Variants in STAT1 observed in about 807,000 individuals in gnomAD.
STAT1 encodes the protein signal transducer and activator of transcription 1-alpha/beta.
Under a neutral mutation model 111.7 loss-of-function variants are expected in STAT1, and 24 were observed. That is an observed-to-expected ratio of 0.21 (90% CI 0.16 to 0.30). The LOEUF is 0.30. STAT1 is among the 10% of genes least tolerant of loss of function. STAT1 has a pLI of 1.00. For missense variants in STAT1, 351 were observed against 911.9 expected, an observed-to-expected ratio of 0.38 and a Z score of 7.92; for synonymous variants, 332 against 326.5, an observed-to-expected ratio of 1.02 and a Z score of -0.18.
At position 190,973,117 on chromosome 2, in the gene STAT1, C is replaced by G. The variant is rs960644455; in HGVS notation, c.2238+1713G>C. Reference sequence around the variant, plus strand: ...CTGATTGCCAAATCCCAAACACATACGGGCCTCTCACCCAAAGGCCATGAT... The same window carrying G: ...CTGATTGCCAAATCCCAAACACATAGGGGCCTCTCACCCAAAGGCCATGAT... On this transcript the variant is annotated intron_variant, in intron 24 of 24. Transcript: ENST00000361099. The surrounding 1 kb of genome is among the most constrained non-coding windows in gnomAD (Gnocchi z 4.4). 6.6e-6 allele frequency among the ~76,000 whole-genome samples: 1 copy of G among 152,184 alleles called. No homozygotes were observed. Among genetic ancestry groups the G allele is most frequent in the East Asian group, 1.9e-4 (1 of 5,184 alleles).
rs762754243 is a variant in STAT1 at position 190,978,974 on chromosome 2, C to T, written c.1755G>A (p.Glu585=). ...GGTCCTTCAACAGGGCACGCTCTCG[C>T]TCCTTGCTGATGAAGCCCATGATGC... ...DGCIMGFISK[E]RERALLKDQQ... is the part of the protein sequence containing the mutation. The change falls in exon 21 of 25, where the codon GAG becomes GAA. Residue 585 remains glutamate (E), a synonymous_variant. Transcript: ENST00000361099. The surrounding 1 kb of genome is among the most constrained non-coding windows in gnomAD (Gnocchi z 6.1). 6 of 1,614,092 alleles carry T rather than the reference C, an allele frequency of 3.7e-6. No homozygotes were observed. The highest frequency in any genetic ancestry group is 1.7e-6 in the Non-Finnish European group (2 of 1,180,044).
rs1692661939 is a variant in STAT1 at position 190,984,757 on chromosome 2, G to A, written c.1264-364C>T. Among the ~76,000 whole-genome samples, 6 of 152,222 alleles carry A rather than the reference G, an allele frequency of 3.9e-5. No individual in the cohort carries two copies. Among genetic ancestry groups the A allele is most frequent in the Admixed American group, 3.9e-4 (6 of 15,286 alleles). On this transcript the variant is annotated intron_variant, in intron 15 of 24. Transcript: ENST00000361099. The surrounding 1 kb of genome is among the most constrained non-coding windows in gnomAD (Gnocchi z 5.2). ...GAGAAGGTGAGAGGACTGGGAGTAAGTGCATACTTGTGATTGTCTACTGCC... is the reference window on the plus strand; with the variant it reads ...GAGAAGGTGAGAGGACTGGGAGTAAATGCATACTTGTGATTGTCTACTGCC...
In STAT1 at chr2:190,982,912, G is replaced by A. The variant is rs147488705; in HGVS notation, c.1447-394C>T. On this transcript the variant is annotated intron_variant, in intron 17 of 24. Coordinates refer to ENST00000361099, the MANE Select transcript of STAT1 (RefSeq NM_007315.4). The surrounding 1 kb of genome is among the most constrained non-coding windows in gnomAD (Gnocchi z 7.3). The stretch of plus-strand genomic sequence containing the variant: ...GTGTCCTTTTTGAAGCCTATTTAGC[G>A]CCATGTTTTTTGCATTTTGTGACTG... 2.0e-5 allele frequency among the ~76,000 whole-genome samples: 3 copies of A among 152,182 alleles called. No individual in the cohort carries two copies. The highest frequency in any genetic ancestry group is 4.8e-5 in the African/African-American group (2 of 41,522).
chr2:191,011,604 G>C (rs776445381), intron 2 of STAT1, among the ~76,000 whole-genome samples: 2 of 152,100 alleles, frequency 1.3e-5, no homozygotes, highest in African/African-American at 4.8e-5. Context: ...ATCTTACCTC[G>C]AATTGTAATA....
intron 5 of STAT1, among the ~76,000 whole-genome samples, chr2:191,005,386 G>A (rs556466680): frequency 1.8e-4 from 27 of 152,342 alleles, no homozygotes; most frequent in Admixed American, 1.4e-3. Context: ...GATGGACCGC[G>A]TATATGACAG....
chr2:191,010,342 G>C, intron 2 of STAT1: 1 of 474,340 alleles, frequency 2.1e-6, no homozygotes, highest in South Asian at 1.5e-5. Flanking sequence ...TTTCTTCATA[G>C]TACTTACACC....
In STAT1 at chr2:191,011,621, C is replaced by T. The variant is rs1360636956; in HGVS notation, c.-1-1617G>A. On this transcript the variant is annotated intron_variant, in intron 2 of 24. Transcript: ENST00000361099. ...CTTACCTCGAATTGTAATATAATTCCCATGTGTTAAGGGCGGGACCAGTGG... is the reference window on the plus strand; with the variant it reads ...CTTACCTCGAATTGTAATATAATTCTCATGTGTTAAGGGCGGGACCAGTGG... Among the ~76,000 whole-genome samples, 4 of 152,006 alleles carry T rather than the reference C, an allele frequency of 2.6e-5. No homozygotes were observed. In the South Asian group the frequency reaches 8.3e-4, roughly 32 times the overall value.
Position 190,978,905 on chromosome 2 carries a change from C to T in STAT1, c.1824G>A (p.Arg608=). Residue 608 remains arginine, a synonymous_variant, in exon 21 of 25, where the codon CGG becomes CGA. Coordinates refer to ENST00000361099, the MANE Select transcript of STAT1 (RefSeq NM_007315.4). This position sits in a 1 kb window ranked among gnomAD's most constrained non-coding sequence, Gnocchi z 6.1. ...TFLLRFSESS[R]EGAITFTWVE... is the part of the protein sequence containing the mutation. ...CCCATGTGAATGTGATGGCCCCTTC[C>T]CGGGAGCTCTCACTGAACCGCAGCA... 6.2e-7 allele frequency: 1 copy of T among 1,614,132 alleles called. No homozygotes were observed. Among genetic ancestry groups the T allele is most frequent in the Non-Finnish European group, 8.5e-7 (1 of 1,180,010 alleles).
rs924390395 is a variant in STAT1 at position 190,989,796 on chromosome 2, C to T, written c.1038-122G>A. Reference sequence around the variant, plus strand: ...CCCTCCAGTTTTAGGGTATTACCAACAAAAAAACTGACAGTTTTGTAGATC... The same window carrying T: ...CCCTCCAGTTTTAGGGTATTACCAATAAAAAAACTGACAGTTTTGTAGATC... On this transcript the variant is annotated intron_variant, in intron 11 of 24. Coordinates refer to ENST00000361099, the MANE Select transcript of STAT1 (RefSeq NM_007315.4). This position sits in a 1 kb window ranked among gnomAD's most constrained non-coding sequence, Gnocchi z 5.0. The T allele has an allele frequency of 1.0e-5, 7 of 674,606 alleles. No homozygotes were observed. Among genetic ancestry groups the T allele is most frequent in the Non-Finnish European group, 1.8e-5 (7 of 389,424 alleles). The allele number at this position is 674,606 out of a possible 1,614,324, so 41.8% of individuals were successfully genotyped here.
At position 190,973,773 on chromosome 2, in the gene STAT1, A is replaced by G. The variant is rs532658355; in HGVS notation, c.2238+1057T>C. On this transcript the variant is annotated intron_variant, in intron 24 of 24. Transcript: ENST00000361099. This position sits in a 1 kb window ranked among gnomAD's most constrained non-coding sequence, Gnocchi z 4.4. ...CTAAATGGCCTATTTCGTCAACAAC[A>G]ATCAGGAAAGTGTAGGAAGGTACAA... Among the ~76,000 whole-genome samples the G allele has an allele frequency of 2.6e-5, 4 of 152,344 alleles. No homozygotes were observed. In the East Asian group the frequency reaches 7.7e-4, roughly 29 times the overall value.
rs558888597 is a variant in STAT1 at position 190,987,301 on chromosome 2, T to C, written c.1098-233A>G. Among the ~76,000 whole-genome samples the C allele has an allele frequency of 6.6e-6, 1 of 152,352 alleles. No individual in the cohort carries two copies. The highest frequency in any genetic ancestry group is 1.9e-4 in the East Asian group (1 of 5,186). ...AATAAATGGTCTGGGCCTTACATTGTTCATTTGCACAACATACTAACAGTG... is the reference window on the plus strand; with the variant it reads ...AATAAATGGTCTGGGCCTTACATTGCTCATTTGCACAACATACTAACAGTG... On this transcript the variant is annotated intron_variant, in intron 12 of 24. Transcript: ENST00000361099. This position sits in a 1 kb window ranked among gnomAD's most constrained non-coding sequence, Gnocchi z 4.0.
rs1049632486 is a variant in STAT1, at chr2:190,984,907, G to C, written c.1264-514C>G. 2.0e-5 allele frequency among the ~76,000 whole-genome samples: 3 copies of C among 152,208 alleles called. No homozygotes were observed. The highest frequency in any genetic ancestry group is 6.5e-5 in the Admixed American group (1 of 15,280). On this transcript the variant is annotated intron_variant, in intron 15 of 24. Coordinates refer to ENST00000361099, the MANE Select transcript of STAT1 (RefSeq NM_007315.4). The surrounding 1 kb of genome is among the most constrained non-coding windows in gnomAD (Gnocchi z 5.2). The stretch of plus-strand genomic sequence containing the variant: ...ATGTGAGCCTCACAACTTAGAACTA[G>C]AGAGGTGCAACAGCTAGACCCAGGG...
rs1254954446 is a variant in STAT1, at chr2:190,987,945, C to G, written c.1098-877G>C. On this transcript the variant is annotated intron_variant, in intron 12 of 24. Transcript: ENST00000361099. The surrounding 1 kb of genome is among the most constrained non-coding windows in gnomAD (Gnocchi z 4.0). Reference sequence around the variant, plus strand: ...GTCAAAGCTAAGAAGACCGTCAGAGCTGGAACCGACAGAAAAGACACAAGG... The same window carrying G: ...GTCAAAGCTAAGAAGACCGTCAGAGGTGGAACCGACAGAAAAGACACAAGG... 6.6e-6 allele frequency among the ~76,000 whole-genome samples: 1 copy of G among 152,206 alleles called. No homozygotes were observed. Among genetic ancestry groups the G allele is most frequent in the Non-Finnish European group, 1.5e-5 (1 of 68,034 alleles).
In STAT1 at chr2:190,970,529, A is replaced by G. The variant is rs1365351649; in HGVS notation, c.*174T>C. The G allele has an allele frequency of 1.4e-6, 1 of 719,938 alleles. No homozygotes were observed. The highest frequency in any genetic ancestry group is 2.5e-6 in the Non-Finnish European group (1 of 402,262). The allele number at this position is 719,938 out of a possible 1,614,324, so 44.6% of individuals were successfully genotyped here. ...TAAGATGCATGATGCCCTTCAGAGT[A>G]ACTGATGTTTCTGAGTTAGAGAAAA... is the stretch of plus-strand genomic sequence containing the variant. On this transcript the variant is annotated 3_prime_UTR_variant, in exon 25 of 25. Coordinates refer to ENST00000361099, the MANE Select transcript of STAT1 (RefSeq NM_007315.4). This position sits in a 1 kb window ranked among gnomAD's most constrained non-coding sequence, Gnocchi z 5.4.
rs1036816030 is a variant in STAT1, at chr2:190,990,042, T to C, written c.1038-368A>G. ...ATATGGGTAAAATAGCAAACATTAC[T>C]TTCTATTAAAACTTGTATCTAATCT... On this transcript the variant is annotated intron_variant, in intron 11 of 24. Coordinates refer to ENST00000361099, the MANE Select transcript of STAT1 (RefSeq NM_007315.4). This position sits in a 1 kb window ranked among gnomAD's most constrained non-coding sequence, Gnocchi z 5.1. Among the ~76,000 whole-genome samples the C allele has an allele frequency of 1.3e-5, 2 of 152,214 alleles. No homozygotes were observed. Among genetic ancestry groups the C allele is most frequent in the Non-Finnish European group, 2.9e-5 (2 of 68,040 alleles).
rs1376849340 is a variant in STAT1 at position 190,983,785 on chromosome 2, G to A, written c.1348-45C>T. ...TTGAAATCATCTGAATCACAGAAAT[G>A]TCACCTTCAGATAACTGCTTAGCCT... On this transcript the variant is annotated intron_variant, in intron 16 of 24. Transcript: ENST00000361099. The surrounding 1 kb of genome is among the most constrained non-coding windows in gnomAD (Gnocchi z 5.7). 6.6e-7 allele frequency: 1 copy of A among 1,515,840 alleles called. No homozygotes were observed. The highest frequency in any genetic ancestry group is 9.2e-7 in the Non-Finnish European group (1 of 1,090,784). The allele number at this position is 1,515,840 out of a possible 1,614,324, so 93.9% of individuals were successfully genotyped here. A position where few individuals can be genotyped will look rare whatever the true frequency, so the allele number is the denominator to read the frequency against.
At chr2:191,013,844 G>A (rs1695330038) in intron 1 of STAT1, 166 bp from the exon 2 acceptor site, 5 of 393,508 alleles carry the variant, frequency 1.3e-5, no homozygotes. Context: ...TGCCATCTCC[G>A]AGAACAGGTG....
rs1692802610 is a variant in STAT1 at position 190,986,188 on chromosome 2, C to T, written c.1222-528G>A. Among the ~76,000 whole-genome samples the T allele has an allele frequency of 6.6e-6, 1 of 152,224 alleles. No individual in the cohort carries two copies. Among genetic ancestry groups the T allele is most frequent in the Admixed American group, 6.5e-5 (1 of 15,286 alleles). ...TAGGTAGAGCTTCCTAGCTACGAGG[C>T]TTGCTGGATCACAAAGTGGTCTCTA... is the stretch of plus-strand genomic sequence containing the variant. On this transcript the variant is annotated intron_variant, in intron 14 of 24. Transcript: ENST00000361099. This position sits in a 1 kb window ranked among gnomAD's most constrained non-coding sequence, Gnocchi z 5.0.
intron 5 of STAT1, among the ~76,000 whole-genome samples, chr2:191,002,735 T>C (rs1231875704): frequency 6.6e-6 from 1 of 152,166 alleles, no homozygotes; most frequent in Non-Finnish European, 1.5e-5. Context: ...GTTTCTGACT[T>C]ACTGGAGTTT....
Sources: gnomAD v4.1 joint callset for allele counts (sites outside exome capture counted in the v4.1 genomes callset) on GRCh38, gnomAD v4.1.1 for gene constraint, Gnocchi (gnomAD v3.1) non-coding constraint, MANE v1.5 for transcripts, NCBI Gene and HGNC (gene_info 2026-07-23, HGNC 2026-07-21) for gene names.